Variants in PACRG observed in about 807,000 individuals in gnomAD.
The protein encoded by PACRG is parkin coregulated.
Under a neutral mutation model 29.7 loss-of-function variants are expected in PACRG, and 29 were observed. The ratio of observed to expected loss-of-function variants is 0.98; its 90% confidence interval spans 0.73 to 1.33. The LOEUF is 1.33. Among genes scored for constraint, PACRG ranks in the 40% most tolerant of loss-of-function variants. The pLI, the probability that PACRG is intolerant of heterozygous loss-of-function variation, is 0.00. For synonymous variants in PACRG, 116 were observed against 118.7 expected, an observed-to-expected ratio of 0.98 and a Z score of 0.15; for missense variants, 279 against 316.2, an observed-to-expected ratio of 0.88 and a Z score of 0.89.
rs926481932 is a variant in PACRG at position 162,728,401 on chromosome 6, C to G, written c.156+10C>G. ...GATGAAAAACTCAGTCGTAAGTGAT[C>G]TTCCTGAATTAAATGCACTCGCTCT... On this transcript the variant is annotated intron_variant, in intron 1 of 4. Coordinates refer to ENST00000366888, the MANE Select transcript of PACRG (RefSeq NM_001080379.2). 3.1e-6 allele frequency: 5 copies of G among 1,609,464 alleles called. No homozygotes were observed. The Admixed American group carries it at 8.3e-5, about 27-fold the overall frequency.
chr6:163,042,754 A>G (rs1451823095), intron 2 of PACRG: 1 of 151,974 alleles, frequency 6.6e-6, no homozygotes, highest in African/African-American at 2.4e-5. Flanking sequence ...TGAGTGGCCT[A>G]CGGGTAAACT....
intron 4 of PACRG, among the ~76,000 whole-genome samples, chr6:163,229,633 G>A (rs912893348): frequency 6.6e-6 from 1 of 152,158 alleles, no homozygotes; most frequent in South Asian, 2.1e-4. Context: ...AGTTAGTCTC[G>A]TGACTTTTTT....
chr6:163,258,160 T>C (rs1321743334), intron 4 of PACRG, among the ~76,000 whole-genome samples: 2 of 152,202 alleles, frequency 1.3e-5, no homozygotes, highest in Admixed American at 6.5e-5. Flanking sequence ...TGGGCTCTTA[T>C]TTTCCACAAC....
rs71008110 is a variant in PACRG at position 162,773,494 on chromosome 6, ATTTTTTTTT to A, written c.157-40630_157-40622del. Among the ~76,000 whole-genome samples the A allele has an allele frequency of 1.0e-3, 67 of 66,024 alleles. No homozygotes were observed. In the East Asian group the frequency reaches 0.038, roughly 37 times the overall value. 43.3% of individuals were successfully genotyped at this position (66,024 alleles called of 152,430 possible). Reference sequence around the variant, plus strand: ...ATATTTGGTATTTTTACAGCTTGTCATTTTTTTTTTTTTTTTTTTTTTTTTTTTTTTGAG... The same window carrying A: ...ATATTTGGTATTTTTACAGCTTGTCATTTTTTTTTTTTTTTTTTTTTTGAG... On this transcript the variant is annotated intron_variant, in intron 1 of 4. Coordinates refer to ENST00000366888, the MANE Select transcript of PACRG (RefSeq NM_001080379.2).
intron 4 of PACRG, among the ~76,000 whole-genome samples, chr6:163,141,348 C>G (rs1817143407): frequency 6.6e-6 from 1 of 151,846 alleles, no homozygotes; most frequent in Non-Finnish European, 1.5e-5. Flanking sequence ...AGAACAAACC[C>G]ACAGCTAAGA....
intron 1 of PACRG, among the ~76,000 whole-genome samples, chr6:162,757,708 A>T (rs1003749023): frequency 1.3e-5 from 2 of 152,128 alleles, no homozygotes; most frequent in Non-Finnish European, 2.9e-5. Context: ...CTCTGTCTAA[A>T]AAATAAATAA....
At chr6:163,188,916 G>C (rs1780076920) in intron 4 of PACRG, among the ~76,000 whole-genome samples, 1 of 152,176 alleles carries the variant, frequency 6.6e-6, no homozygotes, top group African/African-American at 2.4e-5. Flanking sequence ...AGAACAATTA[G>C]GAATGTACGC....
At chr6:162,884,047 C>T (rs891432584) in intron 2 of PACRG, among the ~76,000 whole-genome samples, 1 of 152,082 alleles carries the variant, frequency 6.6e-6, no homozygotes, top group Non-Finnish European at 1.5e-5. Flanking sequence ...AAGCGATCCT[C>T]CCACCTCAAC....
At chr6:162,889,069 C>T (rs1156862038) in intron 2 of PACRG, among the ~76,000 whole-genome samples, 2 of 152,164 alleles carry the variant, frequency 1.3e-5, no homozygotes, top group African/African-American at 2.4e-5. Flanking sequence ...TTTAGCAACA[C>T]AATCCTGACA....
chr6:162,886,474 A>G (rs559163183), intron 2 of PACRG, among the ~76,000 whole-genome samples: 1 of 152,306 alleles, frequency 6.6e-6, no homozygotes, highest in Non-Finnish European at 1.5e-5. Context: ...ATACAATCAC[A>G]TGGCACGCGT....
chr6:162,937,698 AT>A (rs1798333308), intron 2 of PACRG, among the ~76,000 whole-genome samples: 1 of 152,082 alleles, frequency 6.6e-6, no homozygotes. Context: ...GCTTGTGGGT[AT>A]ATTTACCAAC....
At chr6:163,058,963 C>T (rs981179044) in intron 2 of PACRG, among the ~76,000 whole-genome samples, 4 of 151,542 alleles carry the variant, frequency 2.6e-5, no homozygotes, top group African/African-American at 9.7e-5. Context: ...CCTGTAATCC[C>T]AGCTACTCAG....
chr6:163,166,103 C>G, intron 4 of PACRG: 1 of 456,288 alleles, frequency 2.2e-6, no homozygotes, highest in Non-Finnish European at 4.4e-6. Flanking sequence ...TCCAATTCCT[C>G]GGCTGCAGGG....
intron 4 of PACRG, among the ~76,000 whole-genome samples, chr6:163,220,624 C>T (rs528850488): frequency 1.4e-4 from 21 of 152,290 alleles, no homozygotes; most frequent in Non-Finnish European, 2.6e-4. Context: ...TCAAAGACCA[C>T]TTTTTGAAAC....
chr6:163,086,352 G>T (rs2128297141), intron 3 of PACRG, among the ~76,000 whole-genome samples: 1 of 152,258 alleles, frequency 6.6e-6, no homozygotes, highest in South Asian at 2.1e-4. Context: ...AATATCTCAT[G>T]ACTCCAGCTC....
intron 4 of PACRG, among the ~76,000 whole-genome samples, chr6:163,296,388 C>CGAGTT (rs1784780039): frequency 1.3e-5 from 2 of 152,106 alleles, no homozygotes; most frequent in Admixed American, 1.3e-4. Context: ...CTCCACCTCC[C>CGAGTT]GAGTTCAAGC....
intron 3 of PACRG, among the ~76,000 whole-genome samples, chr6:163,078,507 G>T (rs1029267544): frequency 1.3e-4 from 20 of 151,790 alleles, no homozygotes; most frequent in African/African-American, 4.1e-4. Flanking sequence ...AAAAAAAGGG[G>T]GGGAGGGGGG....
chr6:163,165,969 T>C, intron 4 of PACRG: 1 of 386,390 alleles, frequency 2.6e-6, no homozygotes, highest in East Asian at 7.4e-5. Context: ...TAAAACGTTA[T>C]GATTCTAATA....
intron 4 of PACRG, among the ~76,000 whole-genome samples, chr6:163,193,009 T>G (rs1012507132): frequency 4.5e-4 from 69 of 152,332 alleles, no homozygotes; most frequent in African/African-American, 1.6e-3. Context: ...AAAGCCTTTT[T>G]TAAACCCAAT....
Sources: gnomAD v4.1 joint callset for allele counts (sites outside exome capture counted in the v4.1 genomes callset) on GRCh38, gnomAD v4.1.1 for gene constraint, MANE v1.5 for transcripts, NCBI Gene and HGNC (gene_info 2026-07-23, HGNC 2026-07-21) for gene names.